Variants in GRM7 observed in about 807,000 individuals in gnomAD.
The protein encoded by GRM7 is glutamate metabotropic receptor 7, also known as metabotropic glutamate receptor 7.
Under a neutral mutation model 84.5 loss-of-function variants are expected in GRM7, and 35 were observed. The observed-to-expected ratio is 0.41, with a 90% CI of 0.32 to 0.55. The LOEUF (loss-of-function observed/expected upper bound fraction) is 0.55, where lower values mean the gene tolerates loss of function less well. GRM7 is among the 20% of genes least tolerant of loss of function. GRM7 has a pLI of 0.19. For missense variants in GRM7, 1,003 were observed against 1,194.6 expected, an observed-to-expected ratio of 0.84 and a Z score of 2.36; for synonymous variants, 487 against 455.1, an observed-to-expected ratio of 1.07 and a Z score of -0.89.
At chr3:7,079,687 A>G (rs892979510) in intron 1 of GRM7, among the ~76,000 whole-genome samples, 3 of 152,122 alleles carry the variant, frequency 2.0e-5, no homozygotes, top group African/African-American at 7.2e-5. Context: ...GGGTGAGTTT[A>G]CCTGTGATGG....
intron 1 of GRM7, among the ~76,000 whole-genome samples, chr3:6,910,658 A>G (rs1488410459): frequency 2.0e-5 from 3 of 152,138 alleles, no homozygotes; most frequent in African/African-American, 7.2e-5. Context: ...GGCTGAGGCA[A>G]GAGAATTGCT....
intron 1 of GRM7, among the ~76,000 whole-genome samples, chr3:7,000,333 G>A (rs1694967465): frequency 6.6e-6 from 1 of 151,822 alleles, no homozygotes; most frequent in Admixed American, 6.6e-5. Flanking sequence ...AATTGCACCT[G>A]GCTAATATGT....
rs1281122999 is a variant in GRM7 at position 7,578,836 on chromosome 3, T to A, written c.1930T>A (p.Phe644Ile). Residue 644 changes from phenylalanine (F) to isoleucine (I), a missense_variant, in exon 8 of 10, where the codon TTC becomes ATC. Phe to Ile is a conservative substitution (Grantham distance 21). Coordinates refer to ENST00000357716, the MANE Select transcript of GRM7 (RefSeq NM_000844.4). ...TGIFLCYIITFLMIAKPDVAV... is the reference protein window; with the variant it reads ...TGIFLCYIITILMIAKPDVAV... Reference sequence around the variant, plus strand: ...CATCTTTCTTTGCTACATCATCACTTTCCTGATGATTGCCAAACCAGATGT... The same window carrying A: ...CATCTTTCTTTGCTACATCATCACTATCCTGATGATTGCCAAACCAGATGT... 1 of 1,614,176 alleles carries A rather than the reference T, an allele frequency of 6.2e-7. No homozygotes were observed. The highest frequency in any genetic ancestry group is 1.1e-5 in the South Asian group (1 of 91,082).
intron 9 of GRM7, among the ~76,000 whole-genome samples, chr3:7,695,487 C>A (rs953072617): frequency 2.6e-5 from 4 of 152,128 alleles, no homozygotes; most frequent in Admixed American, 6.6e-5. Flanking sequence ...TTCATTTATG[C>A]TTTCTATGCG....
chr3:7,318,665 A>T (rs1479386040), intron 4 of GRM7, among the ~76,000 whole-genome samples: 1 of 151,962 alleles, frequency 6.6e-6, no homozygotes, highest in African/African-American at 2.4e-5. Context: ...GGCATTTTTT[A>T]GGCTCAGTAT....
At chr3:6,886,589 T>C (rs1289788287) in intron 1 of GRM7, among the ~76,000 whole-genome samples, 1 of 152,156 alleles carries the variant, frequency 6.6e-6, no homozygotes, top group Non-Finnish European at 1.5e-5. Context: ...TTCTGGTCCA[T>C]TGTTTATGCT....
intron 7 of GRM7, among the ~76,000 whole-genome samples, chr3:7,567,898 G>T (rs903683084): frequency 6.6e-6 from 1 of 151,504 alleles, no homozygotes; most frequent in Non-Finnish European, 1.5e-5. Flanking sequence ...TCATTTTCCA[G>T]TTCCAGTTTG....
At chr3:7,478,823 C>T (rs527656562) in intron 7 of GRM7, among the ~76,000 whole-genome samples, 2 of 152,304 alleles carry the variant, frequency 1.3e-5, no homozygotes, top group African/African-American at 4.8e-5. Flanking sequence ...TCCCCCCAGG[C>T]ATGCAGTCAC....
intron 8 of GRM7, among the ~76,000 whole-genome samples, chr3:7,678,296 T>G (rs145688317): frequency 7.9e-4 from 120 of 152,272 alleles, no homozygotes; most frequent in African/African-American, 2.8e-3. Context: ...TAATTATAAA[T>G]AATAAAACAA....
chr3:7,403,362 T>C (rs1291297665), intron 4 of GRM7, among the ~76,000 whole-genome samples: 1 of 151,620 alleles, frequency 6.6e-6, no homozygotes, highest in Non-Finnish European at 1.5e-5. Context: ...TATAATTGTA[T>C]GTATTGTAAT....
In GRM7 at chr3:6,949,730, T is replaced by C. The variant is rs569236613; in HGVS notation, c.519+87823T>C. On this transcript the variant is annotated intron_variant, in intron 1 of 9. Coordinates refer to ENST00000357716, the MANE Select transcript of GRM7 (RefSeq NM_000844.4). ...GATTTGGTCTTTTCACATAGTCCCATATTTCTTGGAGGCTTTGTTTGTTTC... is the reference window on the plus strand; with the variant it reads ...GATTTGGTCTTTTCACATAGTCCCACATTTCTTGGAGGCTTTGTTTGTTTC... Among the ~76,000 whole-genome samples, 7 of 152,314 alleles carry C rather than the reference T, an allele frequency of 4.6e-5. No homozygotes were observed. In the East Asian group the frequency reaches 1.4e-3, roughly 29 times the overall value.
intron 2 of GRM7, among the ~76,000 whole-genome samples, chr3:7,196,732 T>C: frequency 6.6e-6 from 1 of 152,280 alleles, no homozygotes; most frequent in Non-Finnish European, 1.5e-5. Flanking sequence ...TCTCTCATTA[T>C]ACTTGTCAAA....
At chr3:7,276,205 A>ATG (rs1208743241) in intron 2 of GRM7, among the ~76,000 whole-genome samples, 12 of 90,002 alleles carry the variant, frequency 1.3e-4, no homozygotes, top group East Asian at 1.2e-3. Context: ...ATATATATAT[A>ATG]TATGTGTGTG....
intron 1 of GRM7, among the ~76,000 whole-genome samples, chr3:6,907,990 A>T (rs1233968454): frequency 1.3e-5 from 2 of 152,172 alleles, no homozygotes; most frequent in Non-Finnish European, 2.9e-5. Flanking sequence ...CCTTACTATT[A>T]GCCAGTAGGA....
At chr3:7,555,977 G>C (rs1693738933) in intron 7 of GRM7, among the ~76,000 whole-genome samples, 1 of 152,112 alleles carries the variant, frequency 6.6e-6, no homozygotes, top group Admixed American at 6.5e-5. Flanking sequence ...TAGGTGATTA[G>C]CATAGATTAC....
chr3:7,000,639 T>C (rs1694982579), intron 1 of GRM7, among the ~76,000 whole-genome samples: 1 of 152,224 alleles, frequency 6.6e-6, no homozygotes, highest in Admixed American at 6.5e-5. Context: ...TCCCCAGATC[T>C]TAGTGGCTCA....
rs149380326 is a variant in GRM7, at chr3:7,319,237, G to GC, written c.1033+12586dup. On this transcript the variant is annotated intron_variant, in intron 4 of 9. Coordinates refer to ENST00000357716, the MANE Select transcript of GRM7 (RefSeq NM_000844.4). Reference sequence around the variant, plus strand: ...GTGTGTACACCAGTAGATAGAGGGTGCATTAGCTGAAAAAAGTAGGCAACA... The same window carrying GC: ...GTGTGTACACCAGTAGATAGAGGGTGCCATTAGCTGAAAAAAGTAGGCAACA... 5.6e-3 allele frequency among the ~76,000 whole-genome samples: 859 copies of GC among 152,094 alleles called. 10 individuals are homozygous for GC. The highest frequency in any genetic ancestry group is 0.019 in the African/African-American group (798 of 41,514).
chr3:6,915,861 G>T (rs1696923903), intron 1 of GRM7, among the ~76,000 whole-genome samples: 1 of 152,150 alleles, frequency 6.6e-6, no homozygotes, highest in Admixed American at 6.5e-5. Context: ...GTTCCAAGAA[G>T]AAATATTATG....
At chr3:6,897,292 G>A (rs938934121) in intron 1 of GRM7, among the ~76,000 whole-genome samples, 1 of 152,174 alleles carries the variant, frequency 6.6e-6, no homozygotes, top group African/African-American at 2.4e-5. Context: ...CAGCATCACT[G>A]GGGAATTGCA....
Sources: allele counts gnomAD v4.1 joint callset (sites outside exome capture counted in the v4.1 genomes callset), GRCh38; gene constraint gnomAD v4.1.1; transcripts MANE v1.5; gene names NCBI Gene and HGNC (gene_info 2026-07-23, HGNC 2026-07-21).